NRXN1: variants seen among roughly 807,000 people sequenced by gnomAD.
NRXN1 encodes the protein neurexin 1.
In NRXN1, 39 loss-of-function variants were observed where a neutral mutation model predicts 150.9. That is an observed-to-expected ratio of 0.26 (90% confidence interval 0.20 to 0.34). NRXN1 has a LOEUF of 0.34. Among genes scored for constraint, NRXN1 ranks in the 10% least tolerant of loss-of-function variants. The pLI, the probability that NRXN1 is intolerant of heterozygous loss-of-function variation, is 1.00. For missense variants in NRXN1, 1,815 were observed against 1,949.9 expected, an observed-to-expected ratio of 0.93 and a Z score of 1.30; for synonymous variants, 924 against 757.0, an observed-to-expected ratio of 1.22 and a Z score of -3.62.
Position 50,060,935 on chromosome 2 carries a change from C to T in NRXN1, c.3719-5891G>A, listed in dbSNP as rs375873451. 1.1e-4 allele frequency among the ~76,000 whole-genome samples: 17 copies of T among 152,254 alleles called. 1 individual carries two copies. The highest frequency in any genetic ancestry group is 4.1e-4 in the African/African-American group (17 of 41,544). ...TATGAAAATGGAAACATTGTGAAGA[C>T]ACATCTAAATAAAGTACAGCGACAA... On this transcript the variant is annotated intron_variant, in intron 19 of 22. Transcript: ENST00000401669.
intron 12 of NRXN1, among the ~76,000 whole-genome samples, chr2:50,522,898 G>GCT (rs113500976): frequency 6.7e-6 from 1 of 150,154 alleles, no homozygotes; most frequent in African/African-American, 2.5e-5. Flanking sequence ...TGCCCTGCTA[G>GCT]TTTTTTTGTA....
chr2:50,024,832 G>C (rs1377418370), intron 21 of NRXN1, among the ~76,000 whole-genome samples: 1 of 152,030 alleles, frequency 6.6e-6, no homozygotes, highest in Non-Finnish European at 1.5e-5. Context: ...TGGCCAGGTT[G>C]GTCTCGAACT....
intron 17 of NRXN1, among the ~76,000 whole-genome samples, chr2:50,444,752 CA>C (rs1179972401): frequency 6.6e-6 from 1 of 151,908 alleles, no homozygotes; most frequent in African/African-American, 2.4e-5. Context: ...TAAATAAAGA[CA>C]AGATCAATAA....
intron 5 of NRXN1, among the ~76,000 whole-genome samples, chr2:50,651,928 A>G (rs1685698517): frequency 1.3e-5 from 2 of 151,988 alleles, no homozygotes; most frequent in African/African-American, 2.4e-5. Context: ...AATGAACCCT[A>G]TTTAAATGAG....
At chr2:50,503,066 G>C (rs1210264566) in intron 13 of NRXN1, among the ~76,000 whole-genome samples, 4 of 152,130 alleles carry the variant, frequency 2.6e-5, no homozygotes, top group Non-Finnish European at 5.9e-5. Context: ...CCGGTACTTT[G>C]GGAGGCCAAT....
At chr2:50,940,286 C>A (rs1021940099) in intron 2 of NRXN1, among the ~76,000 whole-genome samples, 1 of 151,870 alleles carries the variant, frequency 6.6e-6, no homozygotes, top group African/African-American at 2.4e-5. Flanking sequence ...ACCATCCTGG[C>A]CAACATGGTG....
intron 5 of NRXN1, among the ~76,000 whole-genome samples, chr2:50,701,663 T>C (rs1408633424): frequency 6.6e-6 from 1 of 152,198 alleles, no homozygotes; most frequent in Non-Finnish European, 1.5e-5. Context: ...TCATTTAATC[T>C]TCTACTCATT....
chr2:50,775,296 G>A (rs185266768), intron 5 of NRXN1, among the ~76,000 whole-genome samples: 1 of 152,130 alleles, frequency 6.6e-6, no homozygotes, highest in African/African-American at 2.4e-5. Flanking sequence ...GGCCTAAGAG[G>A]ACAGTCAAAA....
rs1574148688 is a variant in NRXN1 at position 50,698,975 on chromosome 2, A to G, written c.833-75360T>C. Among the ~76,000 whole-genome samples the G allele has an allele frequency of 2.0e-5, 3 of 152,282 alleles. No homozygotes were observed. The South Asian group carries it at 6.2e-4, about 32-fold the overall frequency. ...CTATATATACCTTTAGAGCATTAAG[A>G]ACCTATACTACCAATTGACAATAGT... On this transcript the variant is annotated intron_variant, in intron 5 of 22. Transcript: ENST00000401669.
chr2:50,268,609 G>A (rs977146246), intron 17 of NRXN1, among the ~76,000 whole-genome samples: 2 of 152,268 alleles, frequency 1.3e-5, no homozygotes, highest in African/African-American at 2.4e-5. Flanking sequence ...GATCCCAGGG[G>A]GCGATTCCTT....
At chr2:50,206,809 T>C (rs2062615282) in intron 18 of NRXN1, among the ~76,000 whole-genome samples, 1 of 150,900 alleles carries the variant, frequency 6.6e-6, no homozygotes, top group African/African-American at 2.4e-5. Context: ...TATGCAAATG[T>C]AATATATATT....
intron 5 of NRXN1, among the ~76,000 whole-genome samples, chr2:50,689,346 C>T (rs971340300): frequency 6.6e-6 from 1 of 151,986 alleles, no homozygotes; most frequent in African/African-American, 2.4e-5. Context: ...CAAAACAAAA[C>T]CAGTTTTATA....
At chr2:50,541,913 T>G (rs2093398235) in intron 9 of NRXN1, among the ~76,000 whole-genome samples, 1 of 151,912 alleles carries the variant, frequency 6.6e-6, no homozygotes, top group Non-Finnish European at 1.5e-5. Flanking sequence ...GATTTAAGGG[T>G]TACTATCATA....
intron 19 of NRXN1, 123 bp from the exon 20 acceptor site, chr2:50,055,167 G>T: frequency 1.6e-6 from 1 of 615,326 alleles, no homozygotes; most frequent in Non-Finnish European, 2.8e-6. Flanking sequence ...ATTTTAAAAA[G>T]TTCTACCTAG....
chr2:50,527,357 G>A (rs2092982214), intron 12 of NRXN1, among the ~76,000 whole-genome samples: 1 of 152,152 alleles, frequency 6.6e-6, no homozygotes, highest in African/African-American at 2.4e-5. Flanking sequence ...AATGCATGGA[G>A]GAGATAGAGT....
intron 5 of NRXN1, among the ~76,000 whole-genome samples, chr2:50,782,090 C>T (rs553730485): frequency 6.6e-6 from 1 of 151,706 alleles, no homozygotes; most frequent in South Asian, 2.1e-4. Context: ...TCTTGAATGA[C>T]AGGGTAGATG....
At chr2:50,120,532 C>T (rs1230983301) in intron 18 of NRXN1, among the ~76,000 whole-genome samples, 1 of 152,110 alleles carries the variant, frequency 6.6e-6, no homozygotes, top group Non-Finnish European at 1.5e-5. Flanking sequence ...AGGCAATGTG[C>T]TATGCAATGG....
At chr2:50,112,282 T>C (rs1702472873) in intron 18 of NRXN1, among the ~76,000 whole-genome samples, 1 of 152,220 alleles carries the variant, frequency 6.6e-6, no homozygotes, top group South Asian at 2.1e-4. Flanking sequence ...TTAAACTCCC[T>C]TGGGTCCTTA....
chr2:50,113,622 C>A (rs1205865339), intron 18 of NRXN1, among the ~76,000 whole-genome samples: 1 of 152,146 alleles, frequency 6.6e-6, no homozygotes, highest in Non-Finnish European at 1.5e-5. Flanking sequence ...ATCTACAACC[C>A]CTTCAACTGT....
Sources: allele counts gnomAD v4.1 joint callset (sites outside exome capture counted in the v4.1 genomes callset), GRCh38; gene constraint gnomAD v4.1.1; transcripts MANE v1.5; gene names NCBI Gene and HGNC (gene_info 2026-07-23, HGNC 2026-07-21).